Variants in MEAK7 observed in about 807,000 individuals in gnomAD.
The protein encoded by MEAK7 is MTOR-associated protein MEAK7.
A neutral mutation model predicts 40.5 loss-of-function variants in MEAK7; 68 were observed. The observed-to-expected ratio is 1.68, with a 90% CI of 1.38 to 2.06. MEAK7 has a LOEUF of 2.06. MEAK7 is among the 30% of genes most tolerant of loss of function. The pLI is 0.00. For missense variants in MEAK7, 918 were observed against 580.5 expected, an observed-to-expected ratio of 1.58 and a Z score of -5.98; for synonymous variants, 338 against 231.9, an observed-to-expected ratio of 1.46 and a Z score of -4.16.
intron 3 of MEAK7, among the ~76,000 whole-genome samples, chr16:84,493,101 T>C (rs144739838): frequency 2.8e-4 from 42 of 152,336 alleles, no homozygotes; most frequent in African/African-American, 9.9e-4. Flanking sequence ...AGTGTGTTAT[T>C]AGTATGTGTT....
rs571700254 is a variant in MEAK7 at position 84,478,834 on chromosome 16, A to G, written c.*1079T>C. 6.6e-6 allele frequency: 1 copy of G among 152,380 alleles called. No homozygotes were observed. 9.4% of individuals were successfully genotyped at this position (152,380 alleles called of 1,614,324 possible). On this transcript the variant is annotated 3_prime_UTR_variant, in exon 8 of 8. Coordinates refer to ENST00000343629, the MANE Select transcript of MEAK7 (RefSeq NM_020947.4). ...TTCCCAGAGATCTAGAACCCAGGCC[A>G]GCACCGAGGCCTAGACAGCTGTGAC...
intron 1 of MEAK7, among the ~76,000 whole-genome samples, chr16:84,502,521 C>A (rs903371856): frequency 1.3e-5 from 2 of 152,048 alleles, no homozygotes; most frequent in Non-Finnish European, 2.9e-5. Flanking sequence ...GTGTTATGCA[C>A]AGCTTTGCAG....
At chr16:84,502,278 G>A (rs1248659089) in intron 1 of MEAK7, among the ~76,000 whole-genome samples, 1 of 152,166 alleles carries the variant, frequency 6.6e-6, no homozygotes, top group East Asian at 1.9e-4. Context: ...GTGTGTGGTT[G>A]CCACAACTGG....
intron 3 of MEAK7, among the ~76,000 whole-genome samples, chr16:84,495,093 A>C (rs1597958520): frequency 6.6e-6 from 1 of 152,140 alleles, no homozygotes; most frequent in East Asian, 1.9e-4. Context: ...ACGTGGTGAA[A>C]CCCCGTTTCT....
At chr16:84,499,293 C>A (rs187729793) in intron 1 of MEAK7, among the ~76,000 whole-genome samples, 1 of 152,302 alleles carries the variant, frequency 6.6e-6, no homozygotes, top group Admixed American at 6.5e-5. Flanking sequence ...TGGCCCTGGA[C>A]TTTTTCCGGA....
At chr16:84,492,714 TG>T (rs1347054739) in intron 3 of MEAK7, among the ~76,000 whole-genome samples, 1 of 152,160 alleles carries the variant, frequency 6.6e-6, no homozygotes, top group Admixed American at 6.5e-5. Context: ...CCCGAGTAGC[TG>T]GGACTACAGG....
intron 5 of MEAK7, among the ~76,000 whole-genome samples, chr16:84,483,786 T>G (rs1282523183): frequency 6.6e-6 from 1 of 152,072 alleles, no homozygotes; most frequent in African/African-American, 2.4e-5. Flanking sequence ...CAGAGCTGGC[T>G]GGGGCAAGAG....
At chr16:84,485,164 A>G (rs917952191) in intron 5 of MEAK7, among the ~76,000 whole-genome samples, 2 of 152,182 alleles carry the variant, frequency 1.3e-5, no homozygotes, top group Admixed American at 6.5e-5. Flanking sequence ...TGTGCAGAAG[A>G]GAGTGGCCGT....
At chr16:84,482,945 G>C (rs1045771880) in intron 5 of MEAK7, among the ~76,000 whole-genome samples, 1 of 152,166 alleles carries the variant, frequency 6.6e-6, no homozygotes, top group Non-Finnish European at 1.5e-5. Flanking sequence ...TTTAGCTCTG[G>C]CCAGGGGAGC....
Position 84,480,691 on chromosome 16 carries a change from G to A in MEAK7, c.1095C>T (p.His365=), listed in dbSNP as rs372397429. 22 of 1,613,108 alleles carry A rather than the reference G, an allele frequency of 1.4e-5. No homozygotes were observed. The African/African-American group carries it at 2.3e-4, about 17-fold the overall frequency. The change falls in exon 7 of 8, where the codon CAC becomes CAT. Residue 365 remains histidine, a synonymous_variant. Transcript: ENST00000343629. ...CATCCACCCAAAGCCCAAAGTAATTGTGCTGCCCCCCCATACCCTGCAAAG... is the reference window on the plus strand; with the variant it reads ...CATCCACCCAAAGCCCAAAGTAATTATGCTGCCCCCCCATACCCTGCAAAG... ...IPNGLGMGGQ[H]NYFGLWVDVD... is the part of the protein sequence containing the mutation.
intron 1 of MEAK7, among the ~76,000 whole-genome samples, chr16:84,498,380 C>A (rs1914230927): frequency 6.6e-6 from 1 of 152,088 alleles, no homozygotes; most frequent in African/African-American, 2.4e-5. Flanking sequence ...GCAATCCTCC[C>A]CACTCAGCCT....
chr16:84,501,742 G>A (rs561819083), intron 1 of MEAK7, among the ~76,000 whole-genome samples: 16 of 152,238 alleles, frequency 1.1e-4, no homozygotes, highest in South Asian at 2.1e-4. Context: ...AGAACACAGC[G>A]CTGTCCACAG....
intron 1 of MEAK7, chr16:84,504,227 T>G: frequency 4.4e-6 from 4 of 911,212 alleles, no homozygotes; most frequent in Non-Finnish European, 5.2e-6. Flanking sequence ...TACCCCAGAC[T>G]CGCCTCCTCC....
rs377728596 is a variant in MEAK7 at position 84,487,000 on chromosome 16, C to T, written c.589G>A (p.Glu197Lys). 2.9e-5 allele frequency: 46 copies of T among 1,613,986 alleles called. No homozygotes were observed. Among genetic ancestry groups the T allele is most frequent in the African/African-American group, 2.3e-4 (17 of 74,890 alleles). ...TGGGGGACCCTGAACACCCAGTCCT[C>T]GATCACAGCTCGGTCACAGTCATAG... ...LDYDCDRAVIEDWVFRVPHVA... is the reference protein window; with the variant it reads ...LDYDCDRAVIKDWVFRVPHVA... The change falls in exon 5 of 8, where the codon GAG becomes AAG. Residue 197 changes from glutamate to lysine, a missense_variant. Physicochemically the swap from Glu to Lys is moderately conservative, Grantham distance 56. Transcript: ENST00000343629.
At chr16:84,487,229 T>G in intron 4 of MEAK7, 170 bp from the exon 5 acceptor site, 1 of 545,158 alleles carries the variant, frequency 1.8e-6, no homozygotes, top group Non-Finnish European at 3.1e-6. Flanking sequence ...GCACACTTGA[T>G]TTCAAAGATT....
intron 1 of MEAK7, among the ~76,000 whole-genome samples, chr16:84,501,089 G>A (rs536670407): frequency 6.0e-5 from 6 of 100,388 alleles, no homozygotes; most frequent in Non-Finnish European, 9.3e-5. Context: ...AGTTAGACTC[G>A]TCTCAAAAAA....
rs954928000 is a variant in MEAK7 at position 84,485,173 on chromosome 16, G to A, written c.958+1458C>T. On this transcript the variant is annotated intron_variant, in intron 5 of 7. Transcript: ENST00000343629. ...GGTGGGTGTGCAGAAGAGAGTGGCC[G>A]TGGCAAGGCTGAGGCTGCTGTCTCT... 1.4e-4 allele frequency among the ~76,000 whole-genome samples: 21 copies of A among 152,330 alleles called. No individual in the cohort carries two copies. The East Asian group carries it at 2.5e-3, about 18-fold the overall frequency.
At chr16:84,503,624 T>C (rs748883519) in intron 1 of MEAK7, among the ~76,000 whole-genome samples, 1 of 152,174 alleles carries the variant, frequency 6.6e-6, no homozygotes, top group Non-Finnish European at 1.5e-5. Flanking sequence ...ACCCAGGGCA[T>C]TTGATCTGCT....
intron 5 of MEAK7, chr16:84,486,343 G>A (rs989224611): frequency 8.4e-5 from 66 of 787,806 alleles, no homozygotes; most frequent in African/African-American, 7.9e-4. Flanking sequence ...TGGTCCCCTC[G>A]GAGGCATCTG....
Sources: allele counts gnomAD v4.1 joint callset (sites outside exome capture counted in the v4.1 genomes callset), GRCh38; gene constraint gnomAD v4.1.1; transcripts MANE v1.5; gene names NCBI Gene and HGNC (gene_info 2026-07-23, HGNC 2026-07-21).